ZNF292: variants seen among roughly 807,000 people sequenced by gnomAD.
ZNF292 encodes zinc finger protein 292.
In ZNF292, 26 loss-of-function variants were observed where a neutral mutation model predicts 217.9. That is an observed-to-expected ratio of 0.12 (90% CI 0.09 to 0.17). The LOEUF (loss-of-function observed/expected upper bound fraction) is 0.17. ZNF292 is among the 10% of genes least tolerant of loss of function. The pLI, the probability that ZNF292 is intolerant of heterozygous loss-of-function variation, is 1.00. For missense variants in ZNF292, 2,904 were observed against 3,175.2 expected (o/e 0.91, Z 2.05); for synonymous variants, 1,257 against 1,124.1 (o/e 1.12, Z -2.37).
chr6:87,181,079 TCTTTCTTTCAG>T (rs1270203771), intron 1 of ZNF292, among the ~76,000 whole-genome samples: 1 of 152,052 alleles, frequency 6.6e-6, no homozygotes, highest in African/African-American at 2.4e-5. Context: ...GTTACAAAGC[TCTTTCTTTCAG>T]CTTTGCCGTC....
chr6:87,188,731 A>G (rs1361393787), intron 1 of ZNF292, among the ~76,000 whole-genome samples: 3 of 149,610 alleles, frequency 2.0e-5, no homozygotes, highest in Non-Finnish European at 4.5e-5. Context: ...TTTTTTTATT[A>G]AACAGTTTAA....
At position 87,260,185 on chromosome 6, in the gene ZNF292, A is replaced by G. The variant is rs370843050; in HGVS notation, c.6556A>G (p.Ile2186Val). ...VSDCSRIFQA[I>V]TGLIQHYMKL... ...TGACTGTTCTCGAATTTTCCAAGCA[A>G]TTACTGGCCTAATACAACACTACAT... The change falls in exon 8 of 8, where the codon ATT becomes GTT. Residue 2186 changes from isoleucine to valine, a missense_variant. Physicochemically the swap from Ile to Val is conservative, Grantham distance 29. Coordinates refer to ENST00000369577, the MANE Select transcript of ZNF292 (RefSeq NM_015021.3). 9.9e-6 allele frequency: 16 copies of G among 1,612,820 alleles called. No homozygotes were observed. Among genetic ancestry groups the G allele is most frequent in the Non-Finnish European group, 1.4e-5 (16 of 1,179,052 alleles).
intron 1 of ZNF292, among the ~76,000 whole-genome samples, chr6:87,211,036 GAGCCACT>G (rs2127797338): frequency 6.6e-6 from 1 of 152,268 alleles, no homozygotes; most frequent in Non-Finnish European, 1.5e-5. Context: ...AAACATCCAT[GAGCCACT>G]AGTTTATGAA....
At chr6:87,241,728 G>A (rs950336185) in intron 5 of ZNF292, among the ~76,000 whole-genome samples, 6 of 152,142 alleles carry the variant, frequency 3.9e-5, no homozygotes, top group Non-Finnish European at 8.8e-5. Flanking sequence ...CCAGAGCTTG[G>A]ATCTTTAATG....
chr6:87,242,408 C>T (rs1774339142), intron 5 of ZNF292, among the ~76,000 whole-genome samples: 2 of 152,154 alleles, frequency 1.3e-5, no homozygotes, highest in Non-Finnish European at 1.5e-5. Context: ...TGCCCCACAG[C>T]GTTTATCCTT....
chr6:87,177,185 G>C (rs1390529275), intron 1 of ZNF292, among the ~76,000 whole-genome samples: 1 of 152,138 alleles, frequency 6.6e-6, no homozygotes, highest in Non-Finnish European at 1.5e-5. Flanking sequence ...GAATTAGCTG[G>C]GGGTGGTGGC....
In ZNF292 at chr6:87,259,588, C is replaced by G; in HGVS notation, c.5959C>G (p.Pro1987Ala). ...AATGGTAAAGTTAAAAATTAAAAGG[C>G]CTTATGGAAGAAAATCTCAGAGTGA... ...EEMVKLKIKR[P>A]YGRKSQSENV... The change falls in exon 8 of 8, where the codon CCT (proline) becomes GCT (alanine). Residue 1987 changes from proline (P) to alanine (A), a missense_variant. Physicochemically the swap from Pro to Ala is conservative, Grantham distance 27. Transcript: ENST00000369577. 1 of 1,577,210 alleles carries G rather than the reference C, an allele frequency of 6.3e-7. No homozygotes were observed. The highest frequency in any genetic ancestry group is 1.2e-5 in the South Asian group (1 of 86,318).
intron 4 of ZNF292, among the ~76,000 whole-genome samples, chr6:87,225,319 T>C (rs1773292837): frequency 6.6e-6 from 1 of 152,192 alleles, no homozygotes; most frequent in Non-Finnish European, 1.5e-5. Flanking sequence ...AAGAATCCTC[T>C]TGTGGCTTGT....
At chr6:87,229,696 G>A (rs1773551507) in intron 4 of ZNF292, among the ~76,000 whole-genome samples, 6 of 152,168 alleles carry the variant, frequency 3.9e-5, no homozygotes, top group Admixed American at 3.9e-4. Flanking sequence ...AAAGTGCTGG[G>A]ATTACAGGTG....
At position 87,258,977 on chromosome 6, in the gene ZNF292, C is replaced by G; in HGVS notation, c.5348C>G (p.Thr1783Ser). 2 of 1,613,376 alleles carry G rather than the reference C, an allele frequency of 1.2e-6. No individual in the cohort carries two copies. The highest frequency in any genetic ancestry group is 1.7e-6 in the Non-Finnish European group (2 of 1,179,604). Residue 1783 changes from threonine (T) to serine (S), a missense_variant, in exon 8 of 8, where the codon ACT (threonine) becomes AGT (serine). By Grantham distance (58) the Thr-to-Ser change is moderately conservative. Coordinates refer to ENST00000369577, the MANE Select transcript of ZNF292 (RefSeq NM_015021.3). ...VKSGSQGAGE[T>S]SQNAQINYNI... ...AGTGGATCTCAGGGTGCTGGTGAAA[C>G]TTCACAAAATGCTCAAATAAATTAT...
rs999992236 is a variant in ZNF292 at position 87,215,829 on chromosome 6, G to A, written c.169-74G>A. The A allele has an allele frequency of 1.3e-5, 16 of 1,246,768 alleles. No individual in the cohort carries two copies. In the African/African-American group the frequency reaches 2.4e-4, roughly 18 times the overall value. 77.2% of individuals were successfully genotyped at this position (1,246,768 alleles called of 1,614,324 possible). A position where few individuals can be genotyped will look rare whatever the true frequency, so the allele number is the denominator to read the frequency against. ...ATCTGTATTTTTCAAAATTTTTCAG[G>A]AAAAAACAGCTGATGAGTCAATGTA... On this transcript the variant is annotated intron_variant, in intron 1 of 7. Transcript: ENST00000369577.
intron 7 of ZNF292, among the ~76,000 whole-genome samples, chr6:87,247,274 C>CACAA (rs1343946368): frequency 8.4e-6 from 1 of 119,590 alleles, no homozygotes; most frequent in African/African-American, 3.9e-5. Flanking sequence ...ACCCGCAACA[C>CACAA]ACACACATGC....
intron 7 of ZNF292, among the ~76,000 whole-genome samples, chr6:87,252,488 TC>T (rs1342041861): frequency 6.6e-6 from 1 of 152,164 alleles, no homozygotes; most frequent in Non-Finnish European, 1.5e-5. Context: ...CTCCATCATT[TC>T]CTGAATTTCT....
intron 1 of ZNF292, among the ~76,000 whole-genome samples, chr6:87,161,081 A>G (rs1232500930): frequency 1.3e-5 from 2 of 152,150 alleles, no homozygotes; most frequent in Non-Finnish European, 2.9e-5. Flanking sequence ...TTTAAGTATA[A>G]TTTATACTGA....
At chr6:87,168,340 C>T (rs1770982485) in intron 1 of ZNF292, among the ~76,000 whole-genome samples, 1 of 152,092 alleles carries the variant, frequency 6.6e-6, no homozygotes, top group African/African-American at 2.4e-5. Flanking sequence ...AAGACTGAGG[C>T]ATATGGTTAA....
intron 7 of ZNF292, among the ~76,000 whole-genome samples, chr6:87,246,189 C>T (rs1046701101): frequency 6.6e-6 from 1 of 152,180 alleles, no homozygotes; most frequent in African/African-American, 2.4e-5. Flanking sequence ...TGAGATCGTG[C>T]CTCTGCACTC....
At chr6:87,178,679 A>G (rs971216589) in intron 1 of ZNF292, among the ~76,000 whole-genome samples, 3 of 152,220 alleles carry the variant, frequency 2.0e-5, no homozygotes, top group South Asian at 2.1e-4. Context: ...TTATGAGACC[A>G]CTAAGGTACA....
chr6:87,251,447 G>T (rs1239582296), intron 7 of ZNF292, among the ~76,000 whole-genome samples: 3 of 152,068 alleles, frequency 2.0e-5, no homozygotes, highest in Non-Finnish European at 4.4e-5. Flanking sequence ...ATGGGAAGAG[G>T]GTACAAAAGA....
rs1476971483 is a variant in ZNF292 at position 87,260,691 on chromosome 6, T to A, written c.7062T>A (p.Asn2354Lys). Residue 2354 changes from asparagine to lysine, a missense_variant, in exon 8 of 8, where the codon AAT becomes AAA. By Grantham distance (94) the Asn-to-Lys change is moderately conservative. Around this residue, in one of 15 missense-constraint regions of ZNF292, gnomAD observed 101 missense variants for 89.5 expected, o/e 1.13. Coordinates refer to ENST00000369577, the MANE Select transcript of ZNF292 (RefSeq NM_015021.3). ...CAAAGATTGTGCAGATTGAAGAAAA[T>A]AAGCCTTATTCTCTGAAACGTGGGA... ...KNAKIVQIEE[N>K]KPYSLKRGKH... 1 of 1,612,686 alleles carries A rather than the reference T, an allele frequency of 6.2e-7. No homozygotes were observed. Among genetic ancestry groups the A allele is most frequent in the East Asian group, 2.2e-5 (1 of 44,868 alleles).
Sources: gnomAD v4.1 joint callset for allele counts (sites outside exome capture counted in the v4.1 genomes callset) on GRCh38, gnomAD v4.1.1 for gene constraint, gnomAD v4.1.1 regional missense constraint, MANE v1.5 for transcripts, NCBI Gene and HGNC (gene_info 2026-07-23, HGNC 2026-07-21) for gene names.